The following CA10 variants were observed in gnomAD, a reference collection of about 807,000 sequenced individuals.
CA10 encodes carbonic anhydrase 10 (inactive).
A neutral mutation model predicts 44.2 loss-of-function variants in CA10; 14 were observed. The observed-to-expected ratio is 0.32, with a 90% CI of 0.21 to 0.50. CA10 has a LOEUF of 0.50. CA10 is among the 20% of genes least tolerant of loss of function. The pLI is 0.99. For missense variants in CA10, 350 were observed against 409.7 expected (o/e 0.85, Z 1.26); for synonymous variants, 159 against 141.6 (o/e 1.12, Z -0.87).
intron 2 of CA10, among the ~76,000 whole-genome samples, chr17:51,944,151 G>A (rs1983188256): frequency 1.3e-5 from 2 of 152,118 alleles, no homozygotes; most frequent in Admixed American, 1.3e-4. Context: ...TTATAGAAAG[G>A]GGATTTCCCA....
At chr17:51,850,943 T>C (rs947455813) in intron 3 of CA10, among the ~76,000 whole-genome samples, 2 of 152,188 alleles carry the variant, frequency 1.3e-5, no homozygotes, top group African/African-American at 4.8e-5. Context: ...TGGAGATCCT[T>C]TGGGAATTCA....
At chr17:51,921,316 C>T (rs1982222056) in intron 3 of CA10, among the ~76,000 whole-genome samples, 1 of 152,174 alleles carries the variant, frequency 6.6e-6, no homozygotes, top group South Asian at 2.1e-4. Context: ...CTCCATGAAA[C>T]AGAAGGTCAT....
chr17:52,128,365 T>C (rs1006082963), intron 1 of CA10, among the ~76,000 whole-genome samples: 1 of 152,348 alleles, frequency 6.6e-6, no homozygotes, highest in Non-Finnish European at 1.5e-5. Context: ...AGGAACTTGA[T>C]AAATATATCT....
At position 51,937,139 on chromosome 17, in the gene CA10, A is replaced by C. The variant is rs563007402; in HGVS notation, c.137-6007T>G. 2.5e-4 allele frequency among the ~76,000 whole-genome samples: 38 copies of C among 152,310 alleles called. No individual in the cohort carries two copies. In the South Asian group the frequency reaches 7.7e-3, roughly 31 times the overall value. On this transcript the variant is annotated intron_variant, in intron 2 of 8. Transcript: ENST00000451037. ...GAAAGTTGGGAAAATGAACGCTGGC[A>C]TAAAACATATCTCTAGTGAATTCAA...
intron 3 of CA10, among the ~76,000 whole-genome samples, chr17:51,817,573 G>A (rs1292579556): frequency 6.6e-6 from 1 of 152,102 alleles, no homozygotes; most frequent in Non-Finnish European, 1.5e-5. Flanking sequence ...CGAACACTGG[G>A]CCAACTGAAT....
chr17:51,879,496 A>G (rs1225744934), intron 3 of CA10, among the ~76,000 whole-genome samples: 3 of 152,226 alleles, frequency 2.0e-5, no homozygotes, highest in Non-Finnish European at 2.9e-5. Flanking sequence ...CACTTATTTG[A>G]TAACTCCAGA....
At chr17:52,106,321 C>T (rs1988661791) in intron 1 of CA10, among the ~76,000 whole-genome samples, 1 of 152,136 alleles carries the variant, frequency 6.6e-6, no homozygotes, top group South Asian at 2.1e-4. Context: ...CTGATTTATG[C>T]TGGAAGTGGA....
intron 6 of CA10, among the ~76,000 whole-genome samples, chr17:51,643,028 T>C (rs181511241): frequency 2.6e-5 from 4 of 152,194 alleles, no homozygotes; most frequent in Non-Finnish European, 4.4e-5. Flanking sequence ...TGAAGGAGAA[T>C]GAAGCTACCA....
intron 4 of CA10, among the ~76,000 whole-genome samples, chr17:51,729,989 T>C (rs1283387358): frequency 1.3e-5 from 2 of 151,910 alleles, no homozygotes; most frequent in East Asian, 3.9e-4. Context: ...AGGCAGGGAG[T>C]GGTAAATAAC....
chr17:51,902,828 C>G (rs1305048784), intron 3 of CA10, among the ~76,000 whole-genome samples: 1 of 152,140 alleles, frequency 6.6e-6, no homozygotes, highest in Non-Finnish European at 1.5e-5. Context: ...AAGTGTTAGG[C>G]ATTCAGTGAT....
intron 3 of CA10, among the ~76,000 whole-genome samples, chr17:51,922,289 G>C (rs927350230): frequency 2.6e-5 from 4 of 152,130 alleles, no homozygotes; most frequent in Non-Finnish European, 5.9e-5. Flanking sequence ...GAATCAACCA[G>C]CACCTTCTCA....
intron 3 of CA10, among the ~76,000 whole-genome samples, chr17:51,914,481 G>C (rs906953193): frequency 9.2e-5 from 14 of 151,984 alleles, no homozygotes; most frequent in African/African-American, 3.4e-4. Context: ...ACCTTGCCAG[G>C]GAAGAGAGCA....
At chr17:51,645,413 G>A (rs768499365) in intron 6 of CA10, among the ~76,000 whole-genome samples, 66 of 152,156 alleles carry the variant, frequency 4.3e-4, no homozygotes, top group Non-Finnish European at 8.8e-4. Flanking sequence ...GTCAGTAATG[G>A]CAATGTCACT....
chr17:51,857,840 A>C (rs987140455), intron 3 of CA10, among the ~76,000 whole-genome samples: 8 of 152,112 alleles, frequency 5.3e-5, no homozygotes, highest in African/African-American at 1.7e-4. Context: ...GTAAAACAAC[A>C]ACCTCTCTGG....
At chr17:52,094,237 A>G (rs575714328) in intron 1 of CA10, among the ~76,000 whole-genome samples, 2 of 152,146 alleles carry the variant, frequency 1.3e-5, no homozygotes, top group African/African-American at 4.8e-5. Flanking sequence ...ATGTATACCT[A>G]TGTAAGAAAA....
At chr17:51,770,565 G>A (rs1905564372) in intron 3 of CA10, among the ~76,000 whole-genome samples, 1 of 152,170 alleles carries the variant, frequency 6.6e-6, no homozygotes, top group African/African-American at 2.4e-5. Flanking sequence ...CAGTAATCCT[G>A]TGAGCTGGTA....
At chr17:51,914,066 C>A (rs1027378677) in intron 3 of CA10, among the ~76,000 whole-genome samples, 1 of 152,088 alleles carries the variant, frequency 6.6e-6, no homozygotes, top group African/African-American at 2.4e-5. Flanking sequence ...TTACACTGGC[C>A]AGTCCTTTGA....
chr17:51,928,413 T>A (rs1004798589), intron 3 of CA10, among the ~76,000 whole-genome samples: 2 of 152,104 alleles, frequency 1.3e-5, no homozygotes, highest in African/African-American at 2.4e-5. Flanking sequence ...GAGGTTGAAT[T>A]TTAGCCTTAA....
rs142748088 is a variant in CA10, at chr17:51,802,311, C to T, written c.280-54493G>A. On this transcript the variant is annotated intron_variant, in intron 3 of 8. Coordinates refer to ENST00000451037, the MANE Select transcript of CA10 (RefSeq NM_020178.5). ...TGTTTTTCATCACATGATAGTGGAG[C>T]AATTTATGTAATCTCCCTGAACTTC... 1.8e-3 allele frequency among the ~76,000 whole-genome samples: 273 copies of T among 152,220 alleles called. 1 individual carries two copies. Among genetic ancestry groups the T allele is most frequent in the African/African-American group, 6.2e-3 (257 of 41,536 alleles).
Sources: gnomAD v4.1 joint callset for allele counts (sites outside exome capture counted in the v4.1 genomes callset) on GRCh38, gnomAD v4.1.1 for gene constraint, MANE v1.5 for transcripts, NCBI Gene and HGNC (gene_info 2026-07-23, HGNC 2026-07-21) for gene names.